IQSEC3: variants seen among roughly 807,000 people sequenced by gnomAD.
IQSEC3 encodes IQ motif and SEC7 domain-containing protein 3.
A neutral mutation model predicts 105.4 loss-of-function variants in IQSEC3; 50 were observed. That is an observed-to-expected ratio of 0.47 (90% CI 0.38 to 0.60). IQSEC3 has a LOEUF of 0.60. Among genes scored for constraint, IQSEC3 ranks in the 20% least tolerant of loss-of-function variants. The pLI, the probability that IQSEC3 is intolerant of heterozygous loss-of-function variation, is 0.00. For synonymous variants in IQSEC3, 708 were observed against 746.0 expected (o/e 0.95, Z 0.83); for missense variants, 1,415 against 1,630.0 (o/e 0.87, Z 2.27).
chr12:84,687 G>A (rs782167719), intron 1 of IQSEC3, among the ~76,000 whole-genome samples: 11 of 152,210 alleles, frequency 7.2e-5, no homozygotes, highest in Non-Finnish European at 1.6e-4. Context: ...GTATGAGTAT[G>A]TTGAGCCTTT....
At position 169,226 on chromosome 12, in the gene IQSEC3, G is replaced by A; in HGVS notation, c.3064+121G>A. 3 of 746,388 alleles carry A rather than the reference G, an allele frequency of 4.0e-6. No individual in the cohort carries two copies. In the South Asian group the frequency reaches 5.1e-5, roughly 13 times the overall value. The allele number at this position is 746,388 out of a possible 1,614,324, so 46.2% of individuals were successfully genotyped here. A position where few individuals can be genotyped will look rare whatever the true frequency, so the allele number is the denominator to read the frequency against. ...TTCCCGTGGCGTGTTTCTTCCTGCT[G>A]AGGAGCGCCAGGCTTGCCTTCTTTA... On this transcript the variant is annotated intron_variant, in intron 12 of 13. Coordinates refer to ENST00000538872, the MANE Select transcript of IQSEC3 (RefSeq NM_001170738.2).
intron 1 of IQSEC3, among the ~76,000 whole-genome samples, chr12:91,353 T>C (rs1238049284): frequency 6.6e-6 from 1 of 152,214 alleles, no homozygotes; most frequent in East Asian, 1.9e-4. Flanking sequence ...CCTGTAATCC[T>C]GTGAGCCTGG....
chr12:70,381 G>A (rs1863267055), intron 1 of IQSEC3, among the ~76,000 whole-genome samples: 1 of 152,272 alleles, frequency 6.6e-6, no homozygotes, highest in South Asian at 2.1e-4. Flanking sequence ...GGTCTTGGAG[G>A]TCAGTCCAAG....
At chr12:145,068 C>CA (rs1189774139) in intron 5 of IQSEC3, among the ~76,000 whole-genome samples, 4 of 152,174 alleles carry the variant, frequency 2.6e-5, no homozygotes, top group African/African-American at 9.7e-5. Context: ...CCTGGCCTCA[C>CA]ACAGTGCTCC....
chr12:83,250 C>T (rs1212644098), intron 1 of IQSEC3, among the ~76,000 whole-genome samples: 1 of 152,136 alleles, frequency 6.6e-6, no homozygotes, highest in African/African-American at 2.4e-5. Context: ...ATTCATTTCA[C>T]AAGTATTTGT....
In IQSEC3 at chr12:174,668, G is replaced by A. The variant is rs1406364046; in HGVS notation, c.3184G>A (p.Val1062Met). The A allele has an allele frequency of 6.3e-7, 1 of 1,589,990 alleles. No homozygotes were observed. ...GCTGGGGGCCGAGAGGGGAGCGCCG[G>A]TGCCGCCGCCAGACCTGCAGCCTAG... ...SGLGAERGAPVPPPDLQPSPP... is the reference protein window; with the variant it reads ...SGLGAERGAPMPPPDLQPSPP... The change falls in exon 14 of 14, where the codon GTG becomes ATG. Residue 1062 changes from valine (V) to methionine (M), a missense_variant. Transcript: ENST00000538872.
chr12:126,005 C>T (rs546458368), intron 3 of IQSEC3, 93 bp downstream of exon 3: 218 of 1,274,552 alleles, frequency 1.7e-4, no homozygotes, highest in Non-Finnish European at 2.0e-4. Context: ...CGCTGGGTCC[C>T]CTCCGCTACA....
chr12:159,740 A>G (rs1437492776), intron 7 of IQSEC3, among the ~76,000 whole-genome samples: 2 of 152,128 alleles, frequency 1.3e-5, no homozygotes, highest in African/African-American at 4.8e-5. Context: ...CCAGGGCTGG[A>G]CTGGTCCTTT....
chr12:148,333 A>G (rs1388093196), intron 5 of IQSEC3: 1 of 152,188 alleles, frequency 6.6e-6, no homozygotes, highest in Non-Finnish European at 1.5e-5. Flanking sequence ...CCGTGCACTA[A>G]TAAACCCGCC....
chr12:139,418 G>GCCCTC, intron 4 of IQSEC3, 64 bp downstream of exon 4: 16 of 1,331,870 alleles, frequency 1.2e-5, no homozygotes, highest in Non-Finnish European at 1.6e-5. Context: ...AAGGAGGAGG[G>GCCCTC]CACCTTCCCT....
In IQSEC3 at chr12:99,142, G is replaced by T. The variant is rs370967853; in HGVS notation, c.555-4G>T. 6.3e-7 allele frequency: 1 copy of T among 1,598,110 alleles called. No homozygotes were observed. Among genetic ancestry groups the T allele is most frequent in the East Asian group, 2.2e-5 (1 of 44,850 alleles). Reference sequence around the variant, plus strand: ...GCTCTGATCTCCCTCTGCTCTGCCCGCAGGAATGAGACCGTGCTGCACCAG... The same window carrying T: ...GCTCTGATCTCCCTCTGCTCTGCCCTCAGGAATGAGACCGTGCTGCACCAG... On this transcript the variant is annotated splice_region_variant and splice_polypyrimidine_tract_variant and intron_variant, in intron 1 of 13. Transcript: ENST00000538872.
rs536405601 is a variant in IQSEC3 at position 149,468 on chromosome 12, G to T, written c.2154-7557G>T. Among the ~76,000 whole-genome samples the T allele has an allele frequency of 2.0e-5, 3 of 152,308 alleles. No individual in the cohort carries two copies. The South Asian group carries it at 6.2e-4, about 32-fold the overall frequency. On this transcript the variant is annotated intron_variant, in intron 5 of 13. Coordinates refer to ENST00000538872, the MANE Select transcript of IQSEC3 (RefSeq NM_001170738.2). ...CTGAGTAATCCTGGGCCGTTGGGTAGAACTTCCAAAGGCACAGGCCACTGA... is the reference window on the plus strand; with the variant it reads ...CTGAGTAATCCTGGGCCGTTGGGTATAACTTCCAAAGGCACAGGCCACTGA...
chr12:125,215 T>G (rs569691882), intron 2 of IQSEC3, among the ~76,000 whole-genome samples: 1 of 152,300 alleles, frequency 6.6e-6, no homozygotes, highest in Admixed American at 6.5e-5. Flanking sequence ...GAGTTGTAAG[T>G]AACTTCAGCC....
chr12:132,162 A>G (rs566974576), intron 3 of IQSEC3, among the ~76,000 whole-genome samples: 2 of 152,112 alleles, frequency 1.3e-5, no homozygotes, highest in South Asian at 2.1e-4. Flanking sequence ...TAGGTCTCGA[A>G]GAAGAGGACA....
intron 3 of IQSEC3, 119 bp downstream of exon 3, chr12:126,031 C>T: frequency 1.9e-6 from 2 of 1,052,252 alleles, no homozygotes; most frequent in Non-Finnish European, 2.7e-6. Flanking sequence ...ACCTCTTTTG[C>T]CACAGTTCTC....
At chr12:145,816 C>T (rs568147375) in intron 5 of IQSEC3, among the ~76,000 whole-genome samples, 2 of 152,340 alleles carry the variant, frequency 1.3e-5, no homozygotes, top group South Asian at 2.1e-4. Context: ...TAAAGTCCAG[C>T]GGATGGGGAA....
intron 2 of IQSEC3, among the ~76,000 whole-genome samples, chr12:116,525 T>C (rs1168388924): frequency 6.6e-6 from 1 of 152,064 alleles, no homozygotes; most frequent in Non-Finnish European, 1.5e-5. Flanking sequence ...AGGGCTGGGG[T>C]GTAGAGGGCT....
At chr12:77,920 G>C (rs1448695126) in intron 1 of IQSEC3, among the ~76,000 whole-genome samples, 1 of 150,978 alleles carries the variant, frequency 6.6e-6, no homozygotes, top group Non-Finnish European at 1.5e-5. Flanking sequence ...GCTGGCAGCC[G>C]GCAGGCGAGA....
chr12:120,381 C>T (rs886929857), intron 2 of IQSEC3, among the ~76,000 whole-genome samples: 1 of 152,142 alleles, frequency 6.6e-6, no homozygotes, highest in African/African-American at 2.4e-5. Context: ...GGACAGGTCA[C>T]TCGGTGGGGA....
Sources: gnomAD v4.1 joint callset for allele counts (sites outside exome capture counted in the v4.1 genomes callset) on GRCh38, gnomAD v4.1.1 for gene constraint, MANE v1.5 for transcripts, NCBI Gene and HGNC (gene_info 2026-07-23, HGNC 2026-07-21) for gene names.